Variants in ADGRL2 observed in about 807,000 individuals in gnomAD.
The protein encoded by ADGRL2 is calcium-independent alpha-latrotoxin receptor 2.
A neutral mutation model predicts 157.4 loss-of-function variants in ADGRL2; 44 were observed. The ratio of observed to expected loss-of-function variants is 0.28; its 90% CI spans 0.22 to 0.36. The LOEUF (loss-of-function observed/expected upper bound fraction) is 0.36. Among genes scored for constraint, ADGRL2 ranks in the 10% least tolerant of loss-of-function variants. The probability of loss-of-function intolerance (pLI) is 1.00; values close to 1 mark genes in which losing one functional copy is unlikely to be tolerated. For missense variants in ADGRL2, 1,510 were observed against 1,768.9 expected (o/e 0.85, Z 2.63); for synonymous variants, 585 against 624.7 (o/e 0.94, Z 0.95).
At chr1:81,888,823 C>G (rs2094193503) in intron 2 of ADGRL2, among the ~76,000 whole-genome samples, 1 of 152,158 alleles carries the variant, frequency 6.6e-6, no homozygotes, top group Non-Finnish European at 1.5e-5. Flanking sequence ...ATTTTTCCAG[C>G]AGTATGTGCT....
intron 4 of ADGRL2, among the ~76,000 whole-genome samples, chr1:81,939,986 T>A (rs1647291574): frequency 6.6e-6 from 1 of 151,172 alleles, no homozygotes; most frequent in Non-Finnish European, 1.5e-5. Flanking sequence ...ATACAATATA[T>A]AATTTATACT....
intron 7 of ADGRL2, among the ~76,000 whole-genome samples, chr1:81,950,789 A>T (rs1651526948): frequency 1.3e-5 from 2 of 152,154 alleles, no homozygotes; most frequent in South Asian, 4.1e-4. Flanking sequence ...AATCCCAAGA[A>T]AATTAAGGGT....
chr1:81,939,186 C>T (rs2095352436), intron 4 of ADGRL2, among the ~76,000 whole-genome samples: 1 of 151,668 alleles, frequency 6.6e-6, no homozygotes, highest in South Asian at 2.1e-4. Context: ...AATGCTGTTA[C>T]TTTGTTTACT....
At chr1:81,817,003 C>A (rs1237720457) in intron 1 of ADGRL2, among the ~76,000 whole-genome samples, 1 of 150,822 alleles carries the variant, frequency 6.6e-6, no homozygotes, top group East Asian at 1.9e-4. Context: ...ACAAGCACAG[C>A]CTTTTTACAT....
At chr1:81,954,128 G>T (rs575489541) in intron 10 of ADGRL2, among the ~76,000 whole-genome samples, 3 of 151,994 alleles carry the variant, frequency 2.0e-5, no homozygotes, top group African/African-American at 7.2e-5. Context: ...TCAATGTTCA[G>T]TTCACCTTTA....
intron 1 of ADGRL2, among the ~76,000 whole-genome samples, chr1:81,431,963 G>A (rs1465562435): frequency 6.6e-6 from 1 of 152,042 alleles, no homozygotes; most frequent in Non-Finnish European, 1.5e-5. Flanking sequence ...GAGGTTCGGG[G>A]GTGTTGTATT....
chr1:81,788,440 CT>C (rs1323059681), intron 2 of ADGRL2, among the ~76,000 whole-genome samples: 1 of 152,158 alleles, frequency 6.6e-6, no homozygotes, highest in Admixed American at 6.5e-5. Context: ...TCTGCTCCCC[CT>C]TTGCCTTCAC....
intron 2 of ADGRL2, among the ~76,000 whole-genome samples, chr1:81,509,718 A>G (rs1023747121): frequency 6.6e-6 from 1 of 152,206 alleles, no homozygotes; most frequent in Admixed American, 6.5e-5. Flanking sequence ...CAAATGGATT[A>G]ACAACAACTG....
chr1:81,516,178 C>A (rs576882082), intron 2 of ADGRL2, among the ~76,000 whole-genome samples: 1 of 152,036 alleles, frequency 6.6e-6, no homozygotes, highest in Non-Finnish European at 1.5e-5. Context: ...AATAGCTAGT[C>A]GATGTTTTAA....
At chr1:81,382,696 G>A (rs1310948835) in intron 1 of ADGRL2, among the ~76,000 whole-genome samples, 1 of 152,156 alleles carries the variant, frequency 6.6e-6, no homozygotes, top group African/African-American at 2.4e-5. Flanking sequence ...CTGAAAGTCA[G>A]CCAAAAATAA....
At chr1:81,976,740 G>A (rs1393959177) in intron 17 of ADGRL2, among the ~76,000 whole-genome samples, 2 of 151,842 alleles carry the variant, frequency 1.3e-5, no homozygotes, top group African/African-American at 2.4e-5. Flanking sequence ...TTGACTAGTG[G>A]GAGTAGAAGC....
chr1:81,833,754 C>T (rs2092107880), intron 1 of ADGRL2, among the ~76,000 whole-genome samples: 1 of 152,156 alleles, frequency 6.6e-6, no homozygotes, highest in Admixed American at 6.5e-5. Context: ...AAGACTGCAG[C>T]TGACTGTACA....
chr1:81,942,372 C>A (rs1327480437), intron 5 of ADGRL2, among the ~76,000 whole-genome samples: 1 of 151,832 alleles, frequency 6.6e-6, no homozygotes, highest in Admixed American at 6.6e-5. Flanking sequence ...CCATAGCATG[C>A]CATGGTTACA....
chr1:81,442,911 A>G (rs1207458242), intron 1 of ADGRL2, among the ~76,000 whole-genome samples: 1 of 152,214 alleles, frequency 6.6e-6, no homozygotes, highest in Non-Finnish European at 1.5e-5. Flanking sequence ...CCCTGTTTCA[A>G]TTCATGTCAA....
At chr1:81,663,380 C>T (rs944062661) in intron 3 of ADGRL2, among the ~76,000 whole-genome samples, 1 of 152,148 alleles carries the variant, frequency 6.6e-6, no homozygotes, top group Non-Finnish European at 1.5e-5. Context: ...ATACACCTCT[C>T]GCCTACGAAT....
chr1:81,364,123 C>G (rs2076024105), intron 1 of ADGRL2, among the ~76,000 whole-genome samples: 1 of 152,056 alleles, frequency 6.6e-6, no homozygotes, highest in African/African-American at 2.4e-5. Flanking sequence ...TACCCCCACT[C>G]TAAAATTCAA....
At chr1:81,356,555 T>G (rs1186851712) in intron 1 of ADGRL2, among the ~76,000 whole-genome samples, 1 of 152,166 alleles carries the variant, frequency 6.6e-6, no homozygotes, top group African/African-American at 2.4e-5. Flanking sequence ...CTCTGATTAT[T>G]TTCTCTGCAT....
intron 2 of ADGRL2, among the ~76,000 whole-genome samples, chr1:81,893,314 C>CTTTTTTT (rs759728020): frequency 0.13 from 19,422 of 148,852 alleles, 1,593 homozygotes; most frequent in Middle Eastern, 0.23. Flanking sequence ...CTTATCAATC[C>CTTTTTTT]TGTCTTGTAT....
At chr1:81,334,057 A>G (rs1042914779) in intron 1 of ADGRL2, among the ~76,000 whole-genome samples, 1 of 152,256 alleles carries the variant, frequency 6.6e-6, no homozygotes, top group African/African-American at 2.4e-5. Context: ...AAGAAATAAA[A>G]CAAATAATCC....
Sources: allele counts gnomAD v4.1 joint callset (sites outside exome capture counted in the v4.1 genomes callset), GRCh38; gene constraint gnomAD v4.1.1; transcripts MANE v1.5; gene names NCBI Gene and HGNC (gene_info 2026-07-23, HGNC 2026-07-21).